CNTNAP4: variants seen among roughly 807,000 people sequenced by gnomAD.
CNTNAP4 encodes contactin-associated protein-like 4.
In CNTNAP4, 98 loss-of-function variants were observed where a neutral mutation model predicts 148.4. The ratio of observed to expected loss-of-function variants is 0.66; its 90% CI spans 0.56 to 0.78. The LOEUF is 0.78. Among genes scored for constraint, CNTNAP4 ranks in the 30% least tolerant of loss-of-function variants. The pLI is 0.00. For missense variants in CNTNAP4, 1,935 were observed against 1,565.6 expected (o/e 1.24, Z -3.98); for synonymous variants, 730 against 565.1 (o/e 1.29, Z -4.14).
Position 76,449,764 on chromosome 16 carries a change from A to G in CNTNAP4, c.977A>G (p.His326Arg), listed in dbSNP as rs1408245671. The G allele has an allele frequency of 1.3e-6, 2 of 1,598,094 alleles. No homozygotes were observed. Among genetic ancestry groups the G allele is most frequent in the South Asian group, 1.1e-5 (1 of 88,056 alleles). ...CCTGGAAAATCAGTGTCATTCCCAC[A>G]TAGAAATTTTCATGGATGTTTAGAA... ...PAPGKSVSFP[H>R]RNFHGCLENL... The change falls in exon 7 of 24, where the codon CAT becomes CGT. Residue 326 changes from histidine to arginine, a missense_variant. Coordinates refer to ENST00000611870, the MANE Select transcript of CNTNAP4 (RefSeq NM_033401.5).
At position 76,521,397 on chromosome 16, in the gene CNTNAP4, A is replaced by G. The variant is rs2083447828; in HGVS notation, c.2536+87A>G. ...TAATTTTTAAACTACTCATGTGTCT[A>G]CTTTATCATCTGATTCTTTTCATTG... On this transcript the variant is annotated intron_variant, in intron 16 of 23. Coordinates refer to ENST00000611870, the MANE Select transcript of CNTNAP4 (RefSeq NM_033401.5). The G allele has an allele frequency of 4.7e-6, 5 of 1,058,106 alleles. No homozygotes were observed. The South Asian group carries it at 5.7e-5, about 12-fold the overall frequency. The allele number at this position is 1,058,106 out of a possible 1,614,324, so 65.5% of individuals were successfully genotyped here.
chr16:76,536,198 T>C (rs1384877351), intron 18 of CNTNAP4, among the ~76,000 whole-genome samples: 1 of 152,124 alleles, frequency 6.6e-6, no homozygotes, highest in East Asian at 1.9e-4. Context: ...TTACTTTTTT[T>C]TTTATTTGAG....
At chr16:76,427,656 G>A in intron 4 of CNTNAP4, 57 bp downstream of exon 4, 2 of 1,452,686 alleles carry the variant, frequency 1.4e-6, no homozygotes, top group Non-Finnish European at 1.8e-6. Context: ...TGTTTTAAAA[G>A]CCAAACTACA....
intron 9 of CNTNAP4, among the ~76,000 whole-genome samples, chr16:76,464,025 T>G (rs1317527559): frequency 6.6e-6 from 1 of 152,160 alleles, no homozygotes; most frequent in Non-Finnish European, 1.5e-5. Flanking sequence ...TATTGGTCAT[T>G]AAATACAAGC....
In CNTNAP4 at chr16:76,462,048, G is replaced by C. The variant is rs139141859; in HGVS notation, c.1426G>C (p.Ala476Pro). The change falls in exon 9 of 24, where the codon GCT becomes CCT. Residue 476 changes from alanine to proline, a missense_variant. Physicochemically the swap from Ala to Pro is conservative, Grantham distance 27. Transcript: ENST00000611870. ...GGCGGTGGACGGCCAGATGGCTTCT[G>C]CTGCTCCTCTGCTGGGGCCTGAGCA... Reference protein sequence around the residue: ...SVAVDGQMASAAPLLGPEQIY... With the variant: ...SVAVDGQMASPAPLLGPEQIY... 3.7e-6 allele frequency: 6 copies of C among 1,613,830 alleles called. No homozygotes were observed. The South Asian group carries it at 4.4e-5, about 12-fold the overall frequency.
intron 3 of CNTNAP4, among the ~76,000 whole-genome samples, chr16:76,378,872 A>G (rs1393249954): frequency 1.3e-5 from 2 of 152,222 alleles, no homozygotes; most frequent in East Asian, 3.8e-4. Flanking sequence ...GGTTTGCGGA[A>G]CAGGAGGAAC....
chr16:76,321,645 C>G (rs543809577), intron 2 of CNTNAP4, among the ~76,000 whole-genome samples: 1 of 151,322 alleles, frequency 6.6e-6, no homozygotes, highest in Non-Finnish European at 1.5e-5. Context: ...AAAAATTAGC[C>G]GGGCGTGGTG....
chr16:76,329,747 ATAG>A (rs1239316885), intron 2 of CNTNAP4, among the ~76,000 whole-genome samples: 1 of 152,208 alleles, frequency 6.6e-6, no homozygotes, highest in African/African-American at 2.4e-5. Flanking sequence ...TATATAATTA[ATAG>A]TAACAGTATA....
At chr16:76,321,646 G>A (rs1020739573) in intron 2 of CNTNAP4, among the ~76,000 whole-genome samples, 39 of 151,656 alleles carry the variant, frequency 2.6e-4, no homozygotes, top group African/African-American at 8.2e-4. Flanking sequence ...AAAATTAGCC[G>A]GGCGTGGTGG....
intron 17 of CNTNAP4, among the ~76,000 whole-genome samples, chr16:76,523,494 A>G (rs2083577493): frequency 6.6e-6 from 1 of 151,912 alleles, no homozygotes; most frequent in Non-Finnish European, 1.5e-5. Flanking sequence ...ATCCTTCTGG[A>G]TGTGTTTGTT....
rs551260869 is a variant in CNTNAP4 at position 76,357,612 on chromosome 16, G to T, written c.390+2101G>T. ...GAGCTCTGTAAATACTGTACCTTGCGATCTTTTATCTCAATATCCCCAAAG... is the reference window on the plus strand; with the variant it reads ...GAGCTCTGTAAATACTGTACCTTGCTATCTTTTATCTCAATATCCCCAAAG... On this transcript the variant is annotated intron_variant, in intron 3 of 23. Transcript: ENST00000611870. Among the ~76,000 whole-genome samples the T allele has an allele frequency of 4.6e-5, 7 of 152,198 alleles. 1 individual carries two copies. The highest frequency in any genetic ancestry group is 1.5e-5 in the Non-Finnish European group (1 of 68,008).
chr16:76,522,135 A>G lies in CNTNAP4; in HGVS notation c.2633A>G (p.His878Arg). 7 of 1,613,988 alleles carry G rather than the reference A, an allele frequency of 4.3e-6. No individual in the cohort carries two copies. Among genetic ancestry groups the G allele is most frequent in the Non-Finnish European group, 5.9e-6 (7 of 1,179,884 alleles). ...PTHFNDNQWH[H>R]VRVERNMKEA... ...CACTTCAACGACAACCAGTGGCACC[A>G]TGTGAGGGTTGAAAGGAACATGAAG... Residue 878 changes from histidine to arginine, a missense_variant, in exon 17 of 24, where the codon CAT becomes CGT. Physicochemically the swap from His to Arg is conservative, Grantham distance 29. Coordinates refer to ENST00000611870, the MANE Select transcript of CNTNAP4 (RefSeq NM_033401.5).
chr16:76,550,481 C>T (rs1160430084), intron 21 of CNTNAP4, among the ~76,000 whole-genome samples: 4 of 151,954 alleles, frequency 2.6e-5, no homozygotes, highest in Non-Finnish European at 2.9e-5. Context: ...TATCTCATAT[C>T]AGATTATTAC....
intron 3 of CNTNAP4, among the ~76,000 whole-genome samples, chr16:76,378,411 G>A (rs1046096013): frequency 2.0e-5 from 3 of 152,286 alleles, no homozygotes; most frequent in Non-Finnish European, 4.4e-5. Flanking sequence ...TAGCTAATAC[G>A]GAAGTCAGAT....
At position 76,560,393 on chromosome 16, in the gene CNTNAP4, C is replaced by T. The variant is rs1014233242; in HGVS notation, c.*1710C>T. 8.5e-5 allele frequency among the ~76,000 whole-genome samples: 13 copies of T among 152,194 alleles called. 1 individual carries two copies. The South Asian group carries it at 2.5e-3, about 29-fold the overall frequency. On this transcript the variant is annotated 3_prime_UTR_variant, in exon 24 of 24. Coordinates refer to ENST00000611870, the MANE Select transcript of CNTNAP4 (RefSeq NM_033401.5). ...GAACCTGAATTAACATAGTAGTTTACGAAGGACTAAGGACCTATGTTGGTA... is the reference window on the plus strand; with the variant it reads ...GAACCTGAATTAACATAGTAGTTTATGAAGGACTAAGGACCTATGTTGGTA...
At chr16:76,337,380 C>A (rs187287639) in intron 2 of CNTNAP4, among the ~76,000 whole-genome samples, 6 of 152,206 alleles carry the variant, frequency 3.9e-5, no homozygotes, top group East Asian at 1.9e-4. Flanking sequence ...TACAGCTGGA[C>A]CTCCAGGGGT....
chr16:76,470,862 A>G (rs1055855262), intron 10 of CNTNAP4, among the ~76,000 whole-genome samples: 11 of 152,076 alleles, frequency 7.2e-5, no homozygotes, highest in Admixed American at 5.2e-4. Flanking sequence ...ACATGCACCA[A>G]TGTGGCCTTT....
intron 3 of CNTNAP4, among the ~76,000 whole-genome samples, chr16:76,381,044 C>G (rs1285222053): frequency 6.6e-6 from 1 of 152,216 alleles, no homozygotes; most frequent in Non-Finnish European, 1.5e-5. Context: ...CTTTGAAACT[C>G]TTTCCTCTAT....
At chr16:76,354,270 T>A (rs1027900668) in intron 2 of CNTNAP4, among the ~76,000 whole-genome samples, 2 of 152,210 alleles carry the variant, frequency 1.3e-5, no homozygotes, top group Non-Finnish European at 2.9e-5. Context: ...ATTCCCCAAA[T>A]TATTATATTA....
Sources: allele counts gnomAD v4.1 joint callset (sites outside exome capture counted in the v4.1 genomes callset), GRCh38; gene constraint gnomAD v4.1.1; transcripts MANE v1.5; gene names NCBI Gene and HGNC (gene_info 2026-07-23, HGNC 2026-07-21).